Variants in PHLPP1 observed in about 807,000 individuals in gnomAD.
The protein encoded by PHLPP1 is PH domain leucine-rich repeat-containing protein phosphatase 1.
PHLPP1 carries 42 observed loss-of-function variants against 117.2 expected under a neutral mutation model. That is an observed-to-expected ratio of 0.36 (90% CI 0.28 to 0.46). PHLPP1 has a LOEUF of 0.46. Ranked by LOEUF, PHLPP1 falls within the 20% of genes least tolerant of loss-of-function variation. The pLI is 1.00. For missense variants in PHLPP1, 2,084 were observed against 2,241.9 expected, an observed-to-expected ratio of 0.93 and a Z score of 1.42; for synonymous variants, 1,042 against 970.7, an observed-to-expected ratio of 1.07 and a Z score of -1.37.
chr18:62,922,337 A>G (rs1258717710), intron 10 of PHLPP1, among the ~76,000 whole-genome samples: 1 of 152,176 alleles, frequency 6.6e-6, no homozygotes, highest in Non-Finnish European at 1.5e-5. Context: ...GGGTTTCCCC[A>G]TGTTGACCAG....
intron 4 of PHLPP1, among the ~76,000 whole-genome samples, chr18:62,880,047 A>G (rs1916139805): frequency 6.6e-6 from 1 of 152,100 alleles, no homozygotes; most frequent in South Asian, 2.1e-4. Flanking sequence ...TTGTTCTCAA[A>G]TTGTTTCAAG....
Position 62,716,676 on chromosome 18 carries a change from G to T in PHLPP1, c.993G>T (p.Gly331=), listed in dbSNP as rs1367849767. The T allele has an allele frequency of 8.2e-6, 12 of 1,456,072 alleles. No homozygotes were observed. The highest frequency in any genetic ancestry group is 9.0e-6 in the Non-Finnish European group (10 of 1,106,300). The allele number at this position is 1,456,072 out of a possible 1,614,324, so 90.2% of individuals were successfully genotyped here. ...CCAGCCCCGGCGAGCCGTTCGTTGG[G>T]GGCCCTGTCTCTTCGCCCCGCGCCC... ...SDSSPGEPFV[G]GPVSSPRAPR... Residue 331 remains glycine, a synonymous_variant, in exon 1 of 17, where the codon GGG becomes GGT. Coordinates refer to ENST00000262719, the MANE Select transcript of PHLPP1 (RefSeq NM_194449.4). The surrounding 1 kb of genome is among the most constrained non-coding windows in gnomAD (Gnocchi z 5.7).
At chr18:62,822,584 G>A (rs559904369) in intron 1 of PHLPP1, among the ~76,000 whole-genome samples, 32 of 151,956 alleles carry the variant, frequency 2.1e-4, no homozygotes, top group African/African-American at 5.3e-4. Flanking sequence ...GCGCCTGGCC[G>A]CCAATAGTGT....
At chr18:62,950,005 C>A (rs1910406926) in intron 12 of PHLPP1, among the ~76,000 whole-genome samples, 1 of 152,202 alleles carries the variant, frequency 6.6e-6, no homozygotes, top group Non-Finnish European at 1.5e-5. Flanking sequence ...GGTTCTCTGT[C>A]ACCCAGGCTG....
intron 4 of PHLPP1, among the ~76,000 whole-genome samples, chr18:62,864,595 A>C (rs1260266444): frequency 1.3e-5 from 2 of 152,268 alleles, no homozygotes; most frequent in Non-Finnish European, 1.5e-5. Context: ...ATTCCTACAC[A>C]AAGAGTACAA....
At chr18:62,795,204 G>A (rs1260389303) in intron 1 of PHLPP1, among the ~76,000 whole-genome samples, 2 of 151,894 alleles carry the variant, frequency 1.3e-5, no homozygotes, top group East Asian at 1.9e-4. Context: ...CTGGCCGGGC[G>A]CGATGGCTCA....
At chr18:62,937,889 G>A (rs1175124587) in intron 10 of PHLPP1, among the ~76,000 whole-genome samples, 3 of 152,160 alleles carry the variant, frequency 2.0e-5, no homozygotes, top group Non-Finnish European at 4.4e-5. Context: ...GTGCATGCCT[G>A]TAATCCCAGC....
At chr18:62,958,534 T>G in intron 12 of PHLPP1, 95 bp from the exon 13 acceptor site, 4 of 1,202,426 alleles carry the variant, frequency 3.3e-6, no homozygotes, top group Non-Finnish European at 4.8e-6. Flanking sequence ...TAATGAATGG[T>G]CAGACTGATT....
chr18:62,816,736 T>C (rs1184858427), intron 1 of PHLPP1, among the ~76,000 whole-genome samples: 1 of 152,190 alleles, frequency 6.6e-6, no homozygotes, highest in Non-Finnish European at 1.5e-5. Context: ...GGGGGATATA[T>C]TTTTTGTCTA....
At chr18:62,951,517 A>G (rs1156772111) in intron 12 of PHLPP1, among the ~76,000 whole-genome samples, 4 of 152,154 alleles carry the variant, frequency 2.6e-5, no homozygotes, top group African/African-American at 7.2e-5. Flanking sequence ...GTGATCTGTG[A>G]GGTGGTTACT....
chr18:62,754,932 G>A (rs911812601), intron 1 of PHLPP1, among the ~76,000 whole-genome samples: 1 of 152,114 alleles, frequency 6.6e-6, no homozygotes, highest in African/African-American at 2.4e-5. Context: ...GGAGATCAAG[G>A]CCTGGGCAGC....
Position 62,876,348 on chromosome 18 carries a change from C to T in PHLPP1, c.2066+15747C>T, listed in dbSNP as rs1479783945. On this transcript the variant is annotated intron_variant, in intron 4 of 16. Coordinates refer to ENST00000262719, the MANE Select transcript of PHLPP1 (RefSeq NM_194449.4). ...CCTGCCGAACCCAGGCTCAACCTAG[C>T]GACTCCTACCCCACCCTTCAAAGTG... Among the ~76,000 whole-genome samples, 4 of 152,174 alleles carry T rather than the reference C, an allele frequency of 2.6e-5. No individual in the cohort carries two copies. In the East Asian group the frequency reaches 7.7e-4, roughly 29 times the overall value.
intron 10 of PHLPP1, among the ~76,000 whole-genome samples, chr18:62,933,260 T>G (rs1909871226): frequency 6.6e-6 from 1 of 152,032 alleles, no homozygotes; most frequent in South Asian, 2.1e-4. Context: ...TAGAAAAAAA[T>G]TATAAAATTC....
At chr18:62,917,854 T>C (rs1237183583) in intron 9 of PHLPP1, among the ~76,000 whole-genome samples, 1 of 151,078 alleles carries the variant, frequency 6.6e-6, no homozygotes. Context: ...GGCAAGGCAA[T>C]GATTCATTAA....
Position 62,978,747 on chromosome 18 carries a change from G to A in PHLPP1, c.4470G>A (p.Val1490=). The change falls in exon 17 of 17, where the codon GTG becomes GTA. Residue 1490 remains valine, a synonymous_variant. Transcript: ENST00000262719. The surrounding 1 kb of genome is among the most constrained non-coding windows in gnomAD (Gnocchi z 7.0). ...ELSTSEMSSE[V]GSTASDEPPP... ...CCACTTCTGAGATGAGCAGCGAGGT[G>A]GGGTCAACAGCCTCCGATGAGCCCC... 2 of 1,613,434 alleles carry A rather than the reference G, an allele frequency of 1.2e-6. No individual in the cohort carries two copies. Among genetic ancestry groups the A allele is most frequent in the Non-Finnish European group, 8.5e-7 (1 of 1,179,804 alleles).
chr18:62,716,216 T>C lies in PHLPP1; in HGVS notation c.533T>C (p.Leu178Pro). The C allele has an allele frequency of 6.5e-7, 1 of 1,528,016 alleles. No homozygotes were observed. The highest frequency in any genetic ancestry group is 1.2e-5 in the South Asian group (1 of 83,022). 94.7% of individuals were successfully genotyped at this position (1,528,016 alleles called of 1,614,324 possible). ...CGGAGCCTGGACAGGAAGACGCTGC[T>C]TCTGAAGCACCGGCAGACGCTGCAG... ...CTRSLDRKTL[L>P]LKHRQTLQLQ... The change falls in exon 1 of 17, where the codon CTT becomes CCT. Residue 178 changes from leucine to proline, a missense_variant. Coordinates refer to ENST00000262719, the MANE Select transcript of PHLPP1 (RefSeq NM_194449.4). This position sits in a 1 kb window ranked among gnomAD's most constrained non-coding sequence, Gnocchi z 5.7.
intron 1 of PHLPP1, among the ~76,000 whole-genome samples, chr18:62,728,884 GT>G (rs893198235): frequency 7.4e-5 from 11 of 148,476 alleles, no homozygotes; most frequent in Admixed American, 4.0e-4. Flanking sequence ...GGTGCCTTGA[GT>G]TTTTTTTTTG....
intron 10 of PHLPP1, among the ~76,000 whole-genome samples, chr18:62,927,256 A>T (rs942525406): frequency 1.3e-5 from 2 of 152,206 alleles, no homozygotes; most frequent in African/African-American, 4.8e-5. Flanking sequence ...ATAGCATCGA[A>T]CTAAGAAACT....
At chr18:62,766,076 A>AATATATATATATATATATATATAT (rs60058262) in intron 1 of PHLPP1, among the ~76,000 whole-genome samples, 17 of 21,618 alleles carry the variant, frequency 7.9e-4, no homozygotes, top group Admixed American at 1.6e-3. Flanking sequence ...AAAAAAAAAA[A>AATATATATATATATATATATATAT]ATATATATAT....
Sources: allele counts gnomAD v4.1 joint callset (sites outside exome capture counted in the v4.1 genomes callset), GRCh38; gene constraint gnomAD v4.1.1; non-coding constraint Gnocchi (gnomAD v3.1); transcripts MANE v1.5; gene names NCBI Gene and HGNC (gene_info 2026-07-23, HGNC 2026-07-21).